ITM2B: variants seen among roughly 807,000 people sequenced by gnomAD.
The protein encoded by ITM2B is ABri/ADan amyloid peptide.
A neutral mutation model predicts 27.8 loss-of-function variants in ITM2B; 11 were observed. The ratio of observed to expected loss-of-function variants is 0.40; its 90% CI spans 0.25 to 0.66. The LOEUF is 0.66. Ranked by LOEUF, ITM2B falls within the 30% of genes least tolerant of loss-of-function variation. The pLI is 0.43. For synonymous variants in ITM2B, 114 were observed against 114.3 expected, an observed-to-expected ratio of 1.00 and a Z score of 0.02; for missense variants, 296 against 328.9, an observed-to-expected ratio of 0.90 and a Z score of 0.77.
intron 1 of ITM2B, among the ~76,000 whole-genome samples, chr13:48,250,820 G>A (rs1170560246): frequency 6.6e-6 from 1 of 152,122 alleles, no homozygotes; most frequent in African/African-American, 2.4e-5. Context: ...TAGGAATTTA[G>A]AGAACAAAGA....
intron 1 of ITM2B, among the ~76,000 whole-genome samples, chr13:48,249,841 A>G (rs909806799): frequency 6.6e-6 from 1 of 151,980 alleles, no homozygotes; most frequent in Non-Finnish European, 1.5e-5. Context: ...TGTCAAATAC[A>G]TTTTCTGTAT....
At chr13:48,235,420 C>A (rs11840676) in intron 1 of ITM2B, among the ~76,000 whole-genome samples, 7,777 of 152,182 alleles carry the variant, frequency 0.051, 399 homozygotes, top group African/African-American at 0.13. Context: ...TCTTTGTAAA[C>A]CACCCAGCAG....
chr13:48,267,342 G>A lies in ITM2B; in HGVS notation c.*6118G>A, dbSNP rs999136946. 3.3e-5 allele frequency: 5 copies of A among 152,154 alleles called. No individual in the cohort carries two copies. The allele number at this position is 152,154 out of a possible 1,614,324, so 9.4% of individuals were successfully genotyped here. On this transcript the variant is annotated 3_prime_UTR_variant, in exon 6 of 6. Coordinates refer to ENST00000647800, the MANE Select transcript of ITM2B (RefSeq NM_021999.5). The stretch of plus-strand genomic sequence containing the variant: ...ACTTATCTAGTTTTAATCAACTCCA[G>A]GGAACATTACACTTTATTTAACCCC...
chr13:48,262,284 C>A lies in ITM2B; in HGVS notation c.*1060C>A, dbSNP rs1052966014. On this transcript the variant is annotated 3_prime_UTR_variant, in exon 6 of 6. Coordinates refer to ENST00000647800, the MANE Select transcript of ITM2B (RefSeq NM_021999.5). ...TTCCTCTCTGAAATAATTCAGAATC[C>A]ACCCCCATTTAATAAAATACCTATG... The A allele has an allele frequency of 1.3e-5, 2 of 151,928 alleles. No homozygotes were observed. Among genetic ancestry groups the A allele is most frequent in the Non-Finnish European group, 2.9e-5 (2 of 67,970 alleles). The allele number at this position is 151,928 out of a possible 1,614,324, so 9.4% of individuals were successfully genotyped here.
intron 1 of ITM2B, among the ~76,000 whole-genome samples, chr13:48,246,329 T>C (rs1227857732): frequency 1.3e-5 from 2 of 152,198 alleles, no homozygotes; most frequent in African/African-American, 4.8e-5. Flanking sequence ...GTGTCAAACA[T>C]TTATCACGTG....
Position 48,258,862 on chromosome 13 carries a change from A to G in ITM2B, c.630A>G (p.Glu210=). The G allele has an allele frequency of 6.2e-7, 1 of 1,613,492 alleles. No homozygotes were observed. Among genetic ancestry groups the G allele is most frequent in the Non-Finnish European group, 8.5e-7 (1 of 1,179,408 alleles). ...HEHMVITDRI[E]NIDHLGFFIY... is the part of the protein sequence containing the mutation. The stretch of plus-strand genomic sequence containing the variant: ...ACATGGTTATTACTGATCGCATTGA[A>G]AACATTGATCACCTGGGTTTCTTTA... The change falls in exon 5 of 6, where the codon GAA becomes GAG. Residue 210 remains glutamate (E), a synonymous_variant. Transcript: ENST00000647800.
rs576200337 is a variant in ITM2B at position 48,268,814 on chromosome 13, A to G, written c.*7590A>G. The G allele has an allele frequency of 2.6e-5, 4 of 152,286 alleles. No individual in the cohort carries two copies. Among genetic ancestry groups the G allele is most frequent in the Admixed American group, 1.3e-4 (2 of 15,288 alleles). 9.4% of individuals were successfully genotyped at this position (152,286 alleles called of 1,614,324 possible). On this transcript the variant is annotated 3_prime_UTR_variant, in exon 6 of 6. Coordinates refer to ENST00000647800, the MANE Select transcript of ITM2B (RefSeq NM_021999.5). ...TGTAAACATATCTTTTTGAGGGTAGATTGGTAAAATATACATAATAAATAC... is the reference window on the plus strand; with the variant it reads ...TGTAAACATATCTTTTTGAGGGTAGGTTGGTAAAATATACATAATAAATAC...
chr13:48,242,615 C>T (rs1249870222), intron 1 of ITM2B, among the ~76,000 whole-genome samples: 1 of 152,108 alleles, frequency 6.6e-6, no homozygotes. Flanking sequence ...ATTCCATCCT[C>T]ATATTTGATA....
Position 48,262,402 on chromosome 13 carries a change from G to A in ITM2B, c.*1178G>A, listed in dbSNP as rs1364207202. ...AAGCTTCCAACTCTTAAAGGATTTA[G>A]TCTAGAAACCAATTCTAATTCAAAA... is the stretch of plus-strand genomic sequence containing the variant. On this transcript the variant is annotated 3_prime_UTR_variant, in exon 6 of 6. Coordinates refer to ENST00000647800, the MANE Select transcript of ITM2B (RefSeq NM_021999.5). The A allele has an allele frequency of 6.6e-6, 1 of 152,076 alleles. No homozygotes were observed. The highest frequency in any genetic ancestry group is 1.5e-5 in the Non-Finnish European group (1 of 68,016). 9.4% of individuals were successfully genotyped at this position (152,076 alleles called of 1,614,324 possible). A position where few individuals can be genotyped will look rare whatever the true frequency, so the allele number is the denominator to read the frequency against.
At chr13:48,237,841 A>G (rs1951677449) in intron 1 of ITM2B, among the ~76,000 whole-genome samples, 1 of 152,236 alleles carries the variant, frequency 6.6e-6, no homozygotes, top group Non-Finnish European at 1.5e-5. Context: ...CTGAATTCCT[A>G]GATTTAACTA....
At chr13:48,241,393 G>A (rs930960292) in intron 1 of ITM2B, among the ~76,000 whole-genome samples, 2 of 152,124 alleles carry the variant, frequency 1.3e-5, no homozygotes, top group African/African-American at 4.8e-5. Context: ...TGTATTTTTA[G>A]TAAAGACGGG....
intron 2 of ITM2B, 85 bp downstream of exon 2, chr13:48,254,021 C>G: frequency 1.5e-6 from 2 of 1,338,068 alleles, no homozygotes; most frequent in Admixed American, 1.8e-5. Flanking sequence ...TTACAACTTG[C>G]GCTAAGCTTG....
In ITM2B at chr13:48,266,378, G is replaced by C. The variant is rs994545435; in HGVS notation, c.*5154G>C. Reference sequence around the variant, plus strand: ...ACTCTTACTCATCTTTCAGATCTCAGACTAAAAGTTTCCTCAGAGATGCCA... The same window carrying C: ...ACTCTTACTCATCTTTCAGATCTCACACTAAAAGTTTCCTCAGAGATGCCA... On this transcript the variant is annotated 3_prime_UTR_variant, in exon 6 of 6. Transcript: ENST00000647800. 7.9e-5 allele frequency: 12 copies of C among 152,090 alleles called. No homozygotes were observed. The highest frequency in any genetic ancestry group is 2.9e-4 in the African/African-American group (12 of 41,368). The allele number at this position is 152,090 out of a possible 1,614,324, so 9.4% of individuals were successfully genotyped here.
chr13:48,259,312 C>G (rs1012125747), intron 5 of ITM2B, among the ~76,000 whole-genome samples: 1 of 152,132 alleles, frequency 6.6e-6, no homozygotes, highest in African/African-American at 2.4e-5. Context: ...TTTCAGGGAT[C>G]TGGATTCTAA....
intron 5 of ITM2B, among the ~76,000 whole-genome samples, chr13:48,259,294 A>G (rs575273748): frequency 7.2e-5 from 11 of 152,320 alleles, no homozygotes; most frequent in Admixed American, 2.0e-4. Context: ...CCAGCTCTTC[A>G]GCTGTGTTTT....
Position 48,266,285 on chromosome 13 carries a change from T to G in ITM2B, c.*5061T>G, listed in dbSNP as rs1301517434. On this transcript the variant is annotated 3_prime_UTR_variant, in exon 6 of 6. Transcript: ENST00000647800. ...CTTTTAGTTTTGGCCTCATATAAGC[T>G]TGCAGCCCTGCCTGAAACAGTTGTC... 6.6e-6 allele frequency: 1 copy of G among 152,194 alleles called. No homozygotes were observed. Among genetic ancestry groups the G allele is most frequent in the Non-Finnish European group, 1.5e-5 (1 of 68,078 alleles). 9.4% of individuals were successfully genotyped at this position (152,194 alleles called of 1,614,324 possible). A position where few individuals can be genotyped will look rare whatever the true frequency, so the allele number is the denominator to read the frequency against.
At chr13:48,236,901 G>A (rs1006592666) in intron 1 of ITM2B, among the ~76,000 whole-genome samples, 2 of 152,190 alleles carry the variant, frequency 1.3e-5, no homozygotes, top group African/African-American at 2.4e-5. Flanking sequence ...TTCTTTAAAA[G>A]GAGAGAGAAA....
intron 1 of ITM2B, among the ~76,000 whole-genome samples, chr13:48,242,971 T>G (rs1157464429): frequency 6.6e-6 from 1 of 152,206 alleles, no homozygotes; most frequent in Non-Finnish European, 1.5e-5. Context: ...ATATTAGAAC[T>G]TCAACTTAGC....
chr13:48,246,932 G>A (rs767189142), intron 1 of ITM2B, among the ~76,000 whole-genome samples: 1 of 152,108 alleles, frequency 6.6e-6, no homozygotes, highest in African/African-American at 2.4e-5. Flanking sequence ...GGGTTCAAGC[G>A]ATTCTCGTGC....
Sources: allele counts gnomAD v4.1 joint callset (sites outside exome capture counted in the v4.1 genomes callset), GRCh38; gene constraint gnomAD v4.1.1; transcripts MANE v1.5; gene names NCBI Gene and HGNC (gene_info 2026-07-23, HGNC 2026-07-21).